The following METTL15 variants were observed in gnomAD, a reference collection of about 807,000 sequenced individuals.
METTL15 encodes 12S rRNA N(4)-cytidine methyltransferase METTL15.
In METTL15, 34 loss-of-function variants were observed where a neutral mutation model predicts 38.3. The ratio of observed to expected loss-of-function variants is 0.89; its 90% confidence interval spans 0.68 to 1.18. The LOEUF is 1.18. Among genes scored for constraint, METTL15 ranks in the 50% most tolerant of loss-of-function variants. The pLI is 0.00. For synonymous variants in METTL15, 162 were observed against 170.9 expected (o/e 0.95, Z 0.41); for missense variants, 438 against 498.4 (o/e 0.88, Z 1.15).
At chr11:28,345,699 G>T (rs557886838) in intron 3 of METTL15, among the ~76,000 whole-genome samples, 2 of 152,036 alleles carry the variant, frequency 1.3e-5, no homozygotes, top group Admixed American at 6.6e-5. Context: ...GATTTGGTGC[G>T]CCAACAAGAC....
chr11:28,527,922 G>A, downstream of METTL15, among the ~76,000 whole-genome samples: 1 of 152,016 alleles, frequency 6.6e-6, no homozygotes, highest in Admixed American at 6.6e-5. Flanking sequence ...TCCTTGTCTG[G>A]AATAAATATT....
intron 6 of METTL15, among the ~76,000 whole-genome samples, chr11:28,306,453 C>G (rs931317165): frequency 6.6e-6 from 1 of 151,984 alleles, no homozygotes; most frequent in African/African-American, 2.4e-5. Flanking sequence ...CTGAACGATC[C>G]ATTTCAGAAT....
chr11:28,432,734 G>T (rs146435634), intron 6 of METTL15, among the ~76,000 whole-genome samples: 1 of 152,336 alleles, frequency 6.6e-6, no homozygotes, highest in East Asian at 1.9e-4. Flanking sequence ...GGCAGAGTGA[G>T]TAGTACACGT....
intron 6 of METTL15, among the ~76,000 whole-genome samples, chr11:28,486,656 C>G (rs1246769405): frequency 6.6e-6 from 1 of 152,160 alleles, no homozygotes; most frequent in Non-Finnish European, 1.5e-5. Context: ...CTCTCATTGT[C>G]TGTAGCAATA....
At chr11:28,225,710 C>T (rs1197694706) in intron 4 of METTL15, among the ~76,000 whole-genome samples, 1 of 151,758 alleles carries the variant, frequency 6.6e-6, no homozygotes, top group Non-Finnish European at 1.5e-5. Flanking sequence ...TTTCTGTATA[C>T]TCCATGAACA....
chr11:28,415,623 A>G (rs776063154), intron 5 of METTL15, among the ~76,000 whole-genome samples: 25 of 152,188 alleles, frequency 1.6e-4, no homozygotes, highest in Non-Finnish European at 3.5e-4. Context: ...TACTCTTTCT[A>G]CTACAGTACA....
intron 3 of METTL15, among the ~76,000 whole-genome samples, chr11:28,166,731 C>T (rs1315070736): frequency 6.6e-6 from 1 of 152,142 alleles, no homozygotes; most frequent in Non-Finnish European, 1.5e-5. Context: ...GGGCAGATCA[C>T]CTGAGGTCAG....
chr11:28,269,167 G>A (rs763130303), intron 4 of METTL15, among the ~76,000 whole-genome samples: 2 of 152,102 alleles, frequency 1.3e-5, no homozygotes, highest in East Asian at 1.9e-4. Context: ...AAGTTTTGAC[G>A]TCAGAGTAGC....
intron 6 of METTL15, among the ~76,000 whole-genome samples, chr11:28,511,107 C>T (rs80314636): frequency 6.6e-6 from 1 of 152,114 alleles, no homozygotes; most frequent in Non-Finnish European, 1.5e-5. Context: ...ACTATATACA[C>T]ATGTACGCAC....
chr11:28,116,980 C>G (rs1474732545), intron 3 of METTL15, among the ~76,000 whole-genome samples: 2 of 151,880 alleles, frequency 1.3e-5, no homozygotes, highest in Non-Finnish European at 2.9e-5. Flanking sequence ...AAGTATTTAG[C>G]TCAATGCTGT....
intron 3 of METTL15, among the ~76,000 whole-genome samples, chr11:28,129,223 G>A (rs1852638142): frequency 1.3e-5 from 2 of 152,136 alleles, no homozygotes; most frequent in African/African-American, 4.8e-5. Flanking sequence ...AGGTCAACAT[G>A]TCTATGAATA....
At chr11:28,479,191 T>C (rs979858139) in intron 6 of METTL15, among the ~76,000 whole-genome samples, 1 of 145,830 alleles carries the variant, frequency 6.9e-6, no homozygotes, top group African/African-American at 2.5e-5. Context: ...GTTGATTCTT[T>C]AAATAAATAT....
chr11:28,407,552 T>C lies in METTL15; in HGVS notation c.*359-16747T>C, dbSNP rs568248712. ...GACATTTATGTGGCCAAAAAGAATATTAGTAAAAGCTCAACATCACTAATC... is the reference window on the plus strand; with the variant it reads ...GACATTTATGTGGCCAAAAAGAATACTAGTAAAAGCTCAACATCACTAATC... On this transcript the variant is annotated intron_variant and NMD_transcript_variant, in intron 5 of 7. Transcript: ENST00000532947. Among the ~76,000 whole-genome samples the C allele has an allele frequency of 2.6e-4, 40 of 152,198 alleles. 1 individual carries two copies. The South Asian group carries it at 6.9e-3, about 26-fold the overall frequency.
chr11:28,440,086 C>T (rs1042327894), intron 6 of METTL15, among the ~76,000 whole-genome samples: 2 of 152,204 alleles, frequency 1.3e-5, no homozygotes, highest in Admixed American at 6.5e-5. Flanking sequence ...GGAGGGAGTA[C>T]GGCTGTGTTG....
intron 5 of METTL15, among the ~76,000 whole-genome samples, chr11:28,366,846 C>T (rs1169063917): frequency 1.3e-5 from 2 of 152,124 alleles, no homozygotes; most frequent in East Asian, 3.9e-4. Flanking sequence ...TCCCCAGAGA[C>T]CCTGACAACA....
chr11:28,237,563 C>A (rs772780953), intron 4 of METTL15, among the ~76,000 whole-genome samples: 8 of 152,122 alleles, frequency 5.3e-5, no homozygotes, highest in Admixed American at 4.6e-4. Context: ...TCTTGTAGCT[C>A]GGAATAGTTT....
intron 5 of METTL15, among the ~76,000 whole-genome samples, chr11:28,396,338 GA>G (rs1375154109): frequency 2.0e-5 from 3 of 152,162 alleles, no homozygotes; most frequent in African/African-American, 4.8e-5. Flanking sequence ...TGTATATTTA[GA>G]AAACCCCATT....
intron 4 of METTL15, among the ~76,000 whole-genome samples, chr11:28,215,185 T>C (rs1852810185): frequency 6.6e-6 from 1 of 152,208 alleles, no homozygotes; most frequent in Non-Finnish European, 1.5e-5. Context: ...CATTCCTTTT[T>C]GCTGGGTGTG....
intron 6 of METTL15, among the ~76,000 whole-genome samples, chr11:28,483,105 T>C (rs557195459): frequency 6.6e-6 from 1 of 151,820 alleles, no homozygotes; most frequent in East Asian, 1.9e-4. Context: ...AAAGCACTAA[T>C]AGGAATTTCT....
Sources: gnomAD v4.1 joint callset for allele counts (sites outside exome capture counted in the v4.1 genomes callset) on GRCh38, gnomAD v4.1.1 for gene constraint, MANE v1.5 for transcripts, NCBI Gene and HGNC (gene_info 2026-07-23, HGNC 2026-07-21) for gene names.